MYH7B: variants seen among roughly 807,000 people sequenced by gnomAD.
MYH7B encodes myosin heavy chain 7B, also known as myosin-7B.
In MYH7B, 205 loss-of-function variants were observed where a neutral mutation model predicts 234.5. That is an observed-to-expected ratio of 0.87 (90% CI 0.78 to 0.98). The LOEUF is 0.98. Ranked by LOEUF, MYH7B falls within the 50% of genes least tolerant of loss-of-function variation. The probability of loss-of-function intolerance (pLI) is 0.00; values close to 1 mark genes in which losing one functional copy is unlikely to be tolerated. For synonymous variants in MYH7B, 1,193 were observed against 1,105.0 expected (o/e 1.08, Z -1.58); for missense variants, 2,652 against 2,633.4 (o/e 1.01, Z -0.15).
At chr20:34,990,556 G>A in intron 22 of MYH7B, 182 bp from the exon 23 acceptor site, 2 of 798,288 alleles carry the variant, frequency 2.5e-6, no homozygotes, top group Non-Finnish European at 2.2e-6. Flanking sequence ...TGGCAGGGAA[G>A]TGAAGACTTT....
intron 2 of MYH7B, among the ~76,000 whole-genome samples, chr20:34,963,306 T>C (rs2030513155): frequency 1.3e-5 from 2 of 152,238 alleles, no homozygotes; most frequent in Admixed American, 6.5e-5. Flanking sequence ...TGGTTGGTCA[T>C]TGTGGTTTTG....
At chr20:35,001,702 C>A (rs1465153274) in intron 43 of MYH7B, 176 bp downstream of exon 43, 10 of 790,490 alleles carry the variant, frequency 1.3e-5, no homozygotes, top group Non-Finnish European at 2.0e-5. Context: ...ATGGAACAGA[C>A]CCCATGTGCT....
At chr20:34,959,422 C>T (rs79752862) in intron 2 of MYH7B, among the ~76,000 whole-genome samples, 2,061 of 152,132 alleles carry the variant, frequency 0.014, 41 homozygotes, top group African/African-American at 0.047. Context: ...CCTGACTGTG[C>T]AGAAGTCATC....
At chr20:34,971,339 G>T (rs540629463) in intron 2 of MYH7B, among the ~76,000 whole-genome samples, 1 of 152,240 alleles carries the variant, frequency 6.6e-6, no homozygotes, top group South Asian at 2.1e-4. Flanking sequence ...GGCTGAGGTC[G>T]CAGTCCCCTC....
intron 43 of MYH7B, 24 bp from the exon 44 acceptor site, chr20:35,001,924 C>G: frequency 1.9e-6 from 3 of 1,606,688 alleles, no homozygotes; most frequent in Non-Finnish European, 2.6e-6. Context: ...CCAAGCGGAA[C>G]CAAGGCCCTG....
chr20:34,985,115 C>G lies in MYH7B; in HGVS notation c.791C>G (p.Ala264Gly), dbSNP rs1190716212. The G allele has an allele frequency of 6.2e-7, 1 of 1,614,048 alleles. No homozygotes were observed. The highest frequency in any genetic ancestry group is 1.7e-5 in the Admixed American group (1 of 60,014). Residue 264 changes from alanine to glycine, a missense_variant, in exon 13 of 45, where the codon GCG (alanine) becomes GGG (glycine). Around this residue, in one of 3 missense-constraint regions of MYH7B, gnomAD observed 366 missense variants for 401.2 expected, o/e 0.91. Transcript: ENST00000262873. ...GGTCCCTCTGGGAAGCTGGCATCCG[C>G]GGATATTGACAGCTGTGAGTCAACC...
chr20:35,000,144 A>AT lies in MYH7B; in HGVS notation c.4782-148dup. 6 of 1,065,470 alleles carry AT rather than the reference A, an allele frequency of 5.6e-6. No individual in the cohort carries two copies. The South Asian group carries it at 7.6e-5, about 13-fold the overall frequency. 66.0% of individuals were successfully genotyped at this position (1,065,470 alleles called of 1,614,324 possible). On this transcript the variant is annotated intron_variant, in intron 38 of 44. Transcript: ENST00000262873. ...CACTCTTGTCCATGAACTTGCTCTGATGGGCCACAGGCAGTCACAAGAGAC... is the reference window on the plus strand; with the variant it reads ...CACTCTTGTCCATGAACTTGCTCTGATTGGGCCACAGGCAGTCACAAGAGAC...
exon 43 of MYH7B, chr20:35,001,517 TGAG>T: frequency 6.2e-7 from 1 of 1,608,200 alleles, no homozygotes; most frequent in Non-Finnish European, 8.5e-7. Flanking sequence ...AGCGCCAGTT[TGAG>T]GAGGCGGTGA....
At chr20:34,970,254 C>T (rs2081780338) in intron 2 of MYH7B, among the ~76,000 whole-genome samples, 1 of 152,184 alleles carries the variant, frequency 6.6e-6, no homozygotes, top group African/African-American at 2.4e-5. Flanking sequence ...GTAAGGGAGA[C>T]CAGGCCTCTG....
Position 35,001,261 on chromosome 20 carries a change from C to T in MYH7B, c.5492C>T (p.Ala1831Val), listed in dbSNP as rs201820660. 1.1e-5 allele frequency: 17 copies of T among 1,611,258 alleles called. No homozygotes were observed. In the African/African-American group the frequency reaches 1.7e-4, roughly 16 times the overall value. The change falls in exon 42 of 45, where the codon GCT becomes GTT. Residue 1831 changes from alanine (A) to valine (V), a missense_variant. Around this residue, in one of 3 missense-constraint regions of MYH7B, gnomAD observed 2,279 missense variants for 2,211.4 expected, o/e 1.03. Transcript: ENST00000262873. Reference sequence around the variant, plus strand: ...TGCCTGCAGGTACGGGAGCTGGAGGCTGAGCTTGATGCAGAGCAGAAGAAG... The same window carrying T: ...TGCCTGCAGGTACGGGAGCTGGAGGTTGAGCTTGATGCAGAGCAGAAGAAG...
exon 6 of MYH7B, chr20:34,979,454 G>A (rs759713315): frequency 6.2e-7 from 1 of 1,614,000 alleles, no homozygotes; most frequent in South Asian, 1.1e-5. Context: ...TCAAGTCGGA[G>A]GCTACCGGGG....
At chr20:34,973,803 G>C (rs1031633707) in intron 2 of MYH7B, among the ~76,000 whole-genome samples, 3 of 152,184 alleles carry the variant, frequency 2.0e-5, no homozygotes, top group Admixed American at 6.5e-5. Context: ...TGTTGCCCAG[G>C]CTGGAGTGCA....
At chr20:35,001,285 A>T (rs754279357) in exon 42 of MYH7B, 19 of 1,613,056 alleles carry the variant, frequency 1.2e-5, no homozygotes, top group Non-Finnish European at 1.6e-5. Flanking sequence ...GAGCAGAAGA[A>T]GCACGCCGAG....
chr20:35,001,088 C>T, exon 41 of MYH7B: 1 of 1,613,794 alleles, frequency 6.2e-7, no homozygotes, highest in Non-Finnish European at 8.5e-7. Context: ...GAGCTCCAGG[C>T]CCGCCTTGAG....
intron 19 of MYH7B, among the ~76,000 whole-genome samples, chr20:34,989,537 G>C (rs929587409): frequency 6.6e-6 from 1 of 152,206 alleles, no homozygotes; most frequent in Non-Finnish European, 1.5e-5. Flanking sequence ...TTTTGCAGGA[G>C]GGGACTGGAG....
intron 10 of MYH7B, 119 bp downstream of exon 10, chr20:34,982,674 C>A (rs1275872262): frequency 1.2e-6 from 1 of 855,730 alleles, no homozygotes; most frequent in Non-Finnish European, 1.7e-6. Context: ...ACCCTGAGCC[C>A]TGCCTGAGCC....
At position 34,993,326 on chromosome 20, in the gene MYH7B, G is replaced by A. The variant is rs371910650; in HGVS notation, c.2308-8G>A. 112 of 1,613,900 alleles carry A rather than the reference G, an allele frequency of 6.9e-5. No individual in the cohort carries two copies. Among genetic ancestry groups the A allele is most frequent in the African/African-American group, 1.2e-4 (9 of 74,908 alleles). ...GGTTACCCTGGCTGTCTACCTCTCCGCCCCCAGGTGTTCTTCAAGGCTGGG... is the reference window on the plus strand; with the variant it reads ...GGTTACCCTGGCTGTCTACCTCTCCACCCCCAGGTGTTCTTCAAGGCTGGG... On this transcript the variant is annotated splice_polypyrimidine_tract_variant and splice_region_variant and intron_variant, in intron 25 of 44. Transcript: ENST00000262873.
Position 34,996,636 on chromosome 20 carries a change from GAA to G in MYH7B, c.3145_3146del (p.Lys1049GlufsTer16), listed in dbSNP as rs769474330. ...AGCTGGAATGCTCCCTGGAGCAGGA[GAA>G]GAAGCTGCGCATGGACACGGAGCGG... On this transcript the variant is annotated frameshift_variant, in exon 30 of 45. Transcript: ENST00000262873. LOFTEE classifies it high-confidence loss of function. The G allele has an allele frequency of 1.2e-6, 2 of 1,612,736 alleles. No individual in the cohort carries two copies. The highest frequency in any genetic ancestry group is 2.2e-5 in the South Asian group (2 of 90,972).
exon 44 of MYH7B, chr20:35,002,082 C>T (rs746063052): frequency 6.2e-7 from 1 of 1,613,740 alleles, no homozygotes; most frequent in South Asian, 1.1e-5. Flanking sequence ...CCCTGGGCCC[C>T]AAGGTGAGGA....
Sources: allele counts gnomAD v4.1 joint callset (sites outside exome capture counted in the v4.1 genomes callset), GRCh38; gene constraint gnomAD v4.1.1; regional missense constraint gnomAD v4.1.1; transcripts MANE v1.5; gene names NCBI Gene and HGNC (gene_info 2026-07-23, HGNC 2026-07-21).